Variants in TBC1D8 observed in about 807,000 individuals in gnomAD.
The protein encoded by TBC1D8 is BUB2-like protein 1.
TBC1D8 carries 65 observed loss-of-function variants against 118.8 expected under a neutral mutation model. The ratio of observed to expected loss-of-function variants is 0.55; its 90% CI spans 0.45 to 0.67. The LOEUF is 0.67. Among genes scored for constraint, TBC1D8 ranks in the 30% least tolerant of loss-of-function variants. TBC1D8 has a pLI of 0.00. For synonymous variants in TBC1D8, 566 were observed against 595.8 expected, an observed-to-expected ratio of 0.95 and a Z score of 0.73; for missense variants, 1,376 against 1,471.2, an observed-to-expected ratio of 0.94 and a Z score of 1.06.
intron 1 of TBC1D8, among the ~76,000 whole-genome samples, chr2:101,134,036 G>A (rs1678715821): frequency 6.6e-6 from 1 of 152,068 alleles, no homozygotes; most frequent in African/African-American, 2.4e-5. Flanking sequence ...TCCCTCCCTC[G>A]ACATGTGGGG....
chr2:101,105,144 G>A (rs1427467723), intron 1 of TBC1D8, among the ~76,000 whole-genome samples: 1 of 151,920 alleles, frequency 6.6e-6, no homozygotes, highest in Non-Finnish European at 1.5e-5. Context: ...AAAAATTGAT[G>A]TTAGACTTTA....
chr2:101,033,421 G>T, intron 10 of TBC1D8, 123 bp downstream of exon 10: 1 of 1,173,506 alleles, frequency 8.5e-7, no homozygotes, highest in Non-Finnish European at 1.3e-6. Context: ...AAGGGACCGA[G>T]TACAGCGCCT....
intron 3 of TBC1D8, 147 bp from the exon 4 acceptor site, chr2:101,054,483 A>G: frequency 1.3e-6 from 1 of 765,630 alleles, no homozygotes; most frequent in Admixed American, 2.7e-5. Flanking sequence ...GACGAGGAGA[A>G]TGGCTCAGCC....
chr2:101,010,133 T>G (rs180979649), intron 19 of TBC1D8, among the ~76,000 whole-genome samples: 1 of 152,202 alleles, frequency 6.6e-6, no homozygotes, highest in East Asian at 1.9e-4. Flanking sequence ...ATTTTTAACT[T>G]TAAGCCTACA....
chr2:101,029,686 G>A lies in TBC1D8; in HGVS notation c.2027C>T (p.Ala676Val), dbSNP rs1318643654. The A allele has an allele frequency of 9.3e-6, 15 of 1,613,870 alleles. No homozygotes were observed. Among genetic ancestry groups the A allele is most frequent in the East Asian group, 2.2e-5 (1 of 44,888 alleles). Residue 676 changes from alanine (A) to valine (V), a missense_variant, in exon 12 of 20, where the codon GCG (alanine) becomes GTG (valine). Coordinates refer to ENST00000409318, the MANE Select transcript of TBC1D8 (RefSeq NM_001330348.2). ...AEHMNDLSAL[A>V]SVSLSWFLTL... ...CAGGAACCACGAGAGAGAGACGGAC[G>A]CCAGGGCTGAGAGGTCGTTCATGTG...
intron 5 of TBC1D8, among the ~76,000 whole-genome samples, chr2:101,040,901 G>A (rs531578778): frequency 2.6e-5 from 4 of 152,398 alleles, no homozygotes; most frequent in East Asian, 3.9e-4. Context: ...GAACAAGGAC[G>A]CAGAGCAGAC....
chr2:101,110,237 A>G (rs531027984), intron 1 of TBC1D8, among the ~76,000 whole-genome samples: 1 of 152,330 alleles, frequency 6.6e-6, no homozygotes, highest in South Asian at 2.1e-4. Flanking sequence ...ATTCAGGGCA[A>G]ACAGGGGTAC....
At chr2:101,141,191 G>A (rs749272957) in intron 1 of TBC1D8, among the ~76,000 whole-genome samples, 8 of 151,890 alleles carry the variant, frequency 5.3e-5, no homozygotes, top group South Asian at 2.1e-4. Context: ...CAGTTAGATC[G>A]TGAGTCAATA....
In TBC1D8 at chr2:101,049,321, C is replaced by T. The variant is rs147140114; in HGVS notation, c.872+1080G>A. Among the ~76,000 whole-genome samples the T allele has an allele frequency of 3.2e-3, 484 of 152,304 alleles. 1 individual carries two copies. The highest frequency in any genetic ancestry group is 5.5e-3 in the Non-Finnish European group (376 of 68,032). Reference sequence around the variant, plus strand: ...GTATCAATTTGTGGCAAACAAACCACGTAGCATACTGACTTACACTATTAG... The same window carrying T: ...GTATCAATTTGTGGCAAACAAACCATGTAGCATACTGACTTACACTATTAG... On this transcript the variant is annotated intron_variant, in intron 5 of 19. Coordinates refer to ENST00000409318, the MANE Select transcript of TBC1D8 (RefSeq NM_001330348.2).
intron 1 of TBC1D8, among the ~76,000 whole-genome samples, chr2:101,131,013 T>G (rs899950855): frequency 2.6e-5 from 4 of 152,196 alleles, no homozygotes; most frequent in African/African-American, 7.2e-5. Context: ...CAACCTGCCC[T>G]GCTGGGTGTG....
chr2:101,064,850 C>A (rs1399556466), intron 2 of TBC1D8, among the ~76,000 whole-genome samples: 1 of 152,134 alleles, frequency 6.6e-6, no homozygotes, highest in Non-Finnish European at 1.5e-5. Context: ...TATTACTTAT[C>A]TCCATAAAAT....
At chr2:101,103,046 C>G (rs1339262115) in intron 1 of TBC1D8, among the ~76,000 whole-genome samples, 1 of 151,910 alleles carries the variant, frequency 6.6e-6, no homozygotes, top group East Asian at 1.9e-4. Flanking sequence ...ATAGTAAAAT[C>G]AAATAAAGAT....
chr2:101,084,163 C>T (rs1377468271), intron 2 of TBC1D8, among the ~76,000 whole-genome samples: 2 of 152,132 alleles, frequency 1.3e-5, no homozygotes, highest in Non-Finnish European at 2.9e-5. Flanking sequence ...TTAACCTGCT[C>T]AGGACTCCTG....
intron 2 of TBC1D8, among the ~76,000 whole-genome samples, chr2:101,079,917 A>G (rs1320559641): frequency 6.6e-6 from 1 of 151,670 alleles, no homozygotes; most frequent in Admixed American, 6.6e-5. Context: ...CGATCTCCTG[A>G]CCTCATGATC....
intron 9 of TBC1D8, among the ~76,000 whole-genome samples, chr2:101,035,196 G>T (rs1680929859): frequency 6.6e-6 from 1 of 152,120 alleles, no homozygotes. Flanking sequence ...AAAGCGCCAT[G>T]GGGTCATCTG....
At chr2:101,022,762 T>A (rs2105377540) in intron 15 of TBC1D8, among the ~76,000 whole-genome samples, 3 of 152,352 alleles carry the variant, frequency 2.0e-5, no homozygotes, top group Admixed American at 2.0e-4. Context: ...AATGTACCAA[T>A]GTAACTATTT....
intron 14 of TBC1D8, 87 bp downstream of exon 14, chr2:101,027,961 C>G (rs1013472269): frequency 1.7e-6 from 2 of 1,150,396 alleles, no homozygotes. Context: ...TTTTTCAAAG[C>G]TGGCATTCTT....
chr2:101,129,870 A>G lies in TBC1D8; in HGVS notation c.127+21257T>C, dbSNP rs1430478904. Among the ~76,000 whole-genome samples the G allele has an allele frequency of 2.6e-5, 4 of 150,950 alleles. No individual in the cohort carries two copies. The East Asian group carries it at 7.9e-4, about 30-fold the overall frequency. On this transcript the variant is annotated intron_variant, in intron 1 of 19. Coordinates refer to ENST00000409318, the MANE Select transcript of TBC1D8 (RefSeq NM_001330348.2). ...CAGTGAGCCGAGATAGTGCCACTGC[A>G]CTCCAGCCTGGGCAACAGGGCGAGA...
chr2:101,122,078 T>C (rs193298034), intron 1 of TBC1D8, among the ~76,000 whole-genome samples: 3,130 of 150,144 alleles, frequency 0.021, 52 homozygotes, highest in Non-Finnish European at 0.035. Context: ...TTTCTTTTTT[T>C]TTTTTTTTTT....
Sources: gnomAD v4.1 joint callset for allele counts (sites outside exome capture counted in the v4.1 genomes callset) on GRCh38, gnomAD v4.1.1 for gene constraint, MANE v1.5 for transcripts, NCBI Gene and HGNC (gene_info 2026-07-23, HGNC 2026-07-21) for gene names.